TRPV2: variants seen among roughly 807,000 people sequenced by gnomAD.
TRPV2 encodes the protein transient receptor potential cation channel subfamily V member 2.
In TRPV2, 58 loss-of-function variants were observed where a neutral mutation model predicts 91.0. The observed-to-expected ratio is 0.64, with a 90% CI of 0.52 to 0.79. The LOEUF is 0.79. Among genes scored for constraint, TRPV2 ranks in the 30% least tolerant of loss-of-function variants. TRPV2 has a pLI of 0.00. For synonymous variants in TRPV2, 417 were observed against 414.8 expected, an observed-to-expected ratio of 1.01 and a Z score of -0.06; for missense variants, 807 against 969.6, an observed-to-expected ratio of 0.83 and a Z score of 2.23.
At position 16,432,180 on chromosome 17, in the gene TRPV2, G is replaced by A. The variant is rs1053157713; in HGVS notation, c.1869G>A (p.Leu623=). 1 of 1,614,164 alleles carries A rather than the reference G, an allele frequency of 6.2e-7. No homozygotes were observed. Among genetic ancestry groups the A allele is most frequent in the Non-Finnish European group, 8.5e-7 (1 of 1,179,978 alleles). ...AGCTGCACTTCCGCGGCATGGTGCT[G>A]CTGCTGCTGCTGGCCTACGTGCTGC... is the stretch of plus-strand genomic sequence containing the variant. ...QEQLHFRGMV[L]LLLLAYVLLT... Residue 623 remains leucine, a synonymous_variant, in exon 12 of 15, where the codon CTG becomes CTA. Transcript: ENST00000338560.
At chr17:16,421,567 G>C (rs2093357457) in intron 3 of TRPV2, among the ~76,000 whole-genome samples, 1 of 137,350 alleles carries the variant, frequency 7.3e-6, no homozygotes. Context: ...TGTCACCCAG[G>C]CTGGAGTGCA....
At chr17:16,429,063 G>A in intron 10 of TRPV2, 81 bp downstream of exon 10, 1 of 1,491,510 alleles carries the variant, frequency 6.7e-7, no homozygotes, top group Non-Finnish European at 9.1e-7. Flanking sequence ...ATCCTAGGCA[G>A]AGGAGGGCAT....
At chr17:16,430,057 TTTTCACCACGTTGGCCAGGC>T (rs2093402534) in intron 10 of TRPV2, among the ~76,000 whole-genome samples, 1 of 151,554 alleles carries the variant, frequency 6.6e-6, no homozygotes, top group Non-Finnish European at 1.5e-5. Context: ...TAGAGACAGG[TTTTCACCACGTTGGCCAGGC>T]TGGTCTCAAA....
At position 16,422,791 on chromosome 17, in the gene TRPV2, T is replaced by G. The variant is rs745306063; in HGVS notation, c.527T>G (p.Leu176Arg). The G allele has an allele frequency of 1.9e-6, 3 of 1,573,372 alleles. No homozygotes were observed. The East Asian group carries it at 7.0e-5, about 37-fold the overall frequency. The change falls in exon 4 of 15, where the codon CTG becomes CGG. Residue 176 changes from leucine (L) to arginine (R), a missense_variant. By Grantham distance (102) the Leu-to-Arg change is moderately radical. Coordinates refer to ENST00000338560, the MANE Select transcript of TRPV2 (RefSeq NM_016113.5). ...ALHIAIEKRS[L>R]QCVKLLVENG... ...CACATCGCCATTGAGAAGAGGAGTC[T>G]GCAGTGTGTGAAGCTCCTGGTGGAG...
chr17:16,424,647 C>T (rs1600971398), intron 5 of TRPV2, among the ~76,000 whole-genome samples: 2 of 152,154 alleles, frequency 1.3e-5, no homozygotes, highest in African/African-American at 4.8e-5. Flanking sequence ...AAGAGATAGC[C>T]TTTTTATATC....
intron 12 of TRPV2, 41 bp downstream of exon 12, chr17:16,432,341 C>G: frequency 6.4e-7 from 1 of 1,555,410 alleles, no homozygotes; most frequent in Non-Finnish European, 8.7e-7. Context: ...CCACCCCACA[C>G]TCAGGCGGTG....
chr17:16,435,984 A>G lies in TRPV2; in HGVS notation c.2195-805A>G, dbSNP rs1363698202. On this transcript the variant is annotated intron_variant, in intron 14 of 14. Transcript: ENST00000338560. The surrounding 1 kb of genome is among the most constrained non-coding windows in gnomAD (Gnocchi z 4.2). Reference sequence around the variant, plus strand: ...ACCCCACTGCCTGCTGGGGCCTCCAATGTGACATTCCCAACAGGAACAGCC... The same window carrying G: ...ACCCCACTGCCTGCTGGGGCCTCCAGTGTGACATTCCCAACAGGAACAGCC... Among the ~76,000 whole-genome samples, 3 of 152,102 alleles carry G rather than the reference A, an allele frequency of 2.0e-5. No homozygotes were observed. Among genetic ancestry groups the G allele is most frequent in the Non-Finnish European group, 4.4e-5 (3 of 68,006 alleles).
chr17:16,431,985 G>A lies in TRPV2; in HGVS notation c.1674G>A (p.Gln558=), dbSNP rs1321629429. 1 of 1,605,128 alleles carries A rather than the reference G, an allele frequency of 6.2e-7. No homozygotes were observed. Among genetic ancestry groups the A allele is most frequent in the South Asian group, 1.1e-5 (1 of 90,440 alleles). ...CCATAGCCCTGGTGAGCCTGAGCCAGGAGGCTTGGCGCCCCGAAGCTCCTA... is the reference window on the plus strand; with the variant it reads ...CCATAGCCCTGGTGAGCCTGAGCCAAGAGGCTTGGCGCCCCGAAGCTCCTA... ...GFAVALVSLS[Q]EAWRPEAPTG... The change falls in exon 12 of 15, where the codon CAG becomes CAA. Residue 558 remains glutamine, a synonymous_variant. Coordinates refer to ENST00000338560, the MANE Select transcript of TRPV2 (RefSeq NM_016113.5).
intron 13 of TRPV2, among the ~76,000 whole-genome samples, chr17:16,434,253 G>T (rs994791163): frequency 6.0e-4 from 91 of 152,236 alleles, no homozygotes; most frequent in Non-Finnish European, 9.3e-4. Context: ...CAAATCACGA[G>T]GTCAGGAGAT....
rs1438769987 is a variant in TRPV2, at chr17:16,436,960, G to A, written c.*71G>A. 8.1e-7 allele frequency: 1 copy of A among 1,232,490 alleles called. No homozygotes were observed. Among genetic ancestry groups the A allele is most frequent in the Non-Finnish European group, 1.2e-6 (1 of 842,186 alleles). The allele number at this position is 1,232,490 out of a possible 1,614,324, so 76.3% of individuals were successfully genotyped here. A position where few individuals can be genotyped will look rare whatever the true frequency, so the allele number is the denominator to read the frequency against. On this transcript the variant is annotated 3_prime_UTR_variant, in exon 15 of 15. Transcript: ENST00000338560. The stretch of plus-strand genomic sequence containing the variant: ...TCCAACCACATCTGCTGGCTCTGGG[G>A]TCCCAGTGAATTCTGGTGGCAAATA...
In TRPV2 at chr17:16,428,301, C is replaced by T. The variant is rs761617166; in HGVS notation, c.1351-16C>T. 1 of 1,613,982 alleles carries T rather than the reference C, an allele frequency of 6.2e-7. No homozygotes were observed. Among genetic ancestry groups the T allele is most frequent in the South Asian group, 1.1e-5 (1 of 91,084 alleles). On this transcript the variant is annotated splice_polypyrimidine_tract_variant and intron_variant, in intron 8 of 14. Transcript: ENST00000338560. ...AGAGCAGGTTTCACAGCCCTCTGTC[C>T]TCCCTTCCTCCGCAGCTGTGGTACT... is the stretch of plus-strand genomic sequence containing the variant.
chr17:16,427,442 T>C lies in TRPV2; in HGVS notation c.1252-7T>C. On this transcript the variant is annotated splice_region_variant and splice_polypyrimidine_tract_variant and intron_variant, in intron 7 of 14. Coordinates refer to ENST00000338560, the MANE Select transcript of TRPV2 (RefSeq NM_016113.5). Reference sequence around the variant, plus strand: ...AGGCCCTAGGTCTCATCTGAGTGTGTCTTCAGCAGGCCGCCCCTCACCTGA... The same window carrying C: ...AGGCCCTAGGTCTCATCTGAGTGTGCCTTCAGCAGGCCGCCCCTCACCTGA... 6.2e-7 allele frequency: 1 copy of C among 1,613,348 alleles called. No homozygotes were observed. The highest frequency in any genetic ancestry group is 8.5e-7 in the Non-Finnish European group (1 of 1,179,560).
In TRPV2 at chr17:16,428,848, C is replaced by G; in HGVS notation, c.1453C>G (p.Gln485Glu). The G allele has an allele frequency of 6.2e-7, 1 of 1,613,886 alleles. No homozygotes were observed. Among genetic ancestry groups the G allele is most frequent in the Non-Finnish European group, 8.5e-7 (1 of 1,180,012 alleles). Residue 485 changes from glutamine (Q) to glutamate (E), a missense_variant, in exon 10 of 15, where the codon CAG (glutamine) becomes GAG (glutamate). By Grantham distance (29) the Gln-to-Glu change is conservative (BLOSUM62 2). Coordinates refer to ENST00000338560, the MANE Select transcript of TRPV2 (RefSeq NM_016113.5). Reference protein sequence around the residue: ...LFQALLTVVSQVLCFLAIEWY... With the variant: ...LFQALLTVVSEVLCFLAIEWY... ...CCAGGCCCTGCTCACAGTGGTGTCC[C>G]AGGTGCTGTGTTTCCTGGCCATCGA...
chr17:16,419,494 C>T, intron 2 of TRPV2: 1 of 451,850 alleles, frequency 2.2e-6, no homozygotes, highest in South Asian at 1.6e-5. Context: ...GTTAAACAGC[C>T]CTGCTGAGAT....
Position 16,436,899 on chromosome 17 carries a change from T to A in TRPV2, c.*10T>A, listed in dbSNP as rs529500225. 4.7e-5 allele frequency: 76 copies of A among 1,609,314 alleles called. No homozygotes were observed. In the Middle Eastern group the frequency reaches 6.6e-4, roughly 14 times the overall value. On this transcript the variant is annotated 3_prime_UTR_variant, in exon 15 of 15. Transcript: ENST00000338560. ...CCTCCAGTCCAACTGATGGCCCAGATGCAGCAGGAGGCCAGAGGACAGAGC... is the reference window on the plus strand; with the variant it reads ...CCTCCAGTCCAACTGATGGCCCAGAAGCAGCAGGAGGCCAGAGGACAGAGC...
chr17:16,421,392 A>AT (rs907438658), intron 3 of TRPV2, among the ~76,000 whole-genome samples: 4 of 147,326 alleles, frequency 2.7e-5, no homozygotes, highest in East Asian at 2.0e-4. Context: ...AATTTTTTGT[A>AT]TTTTTTTAGT....
In TRPV2 at chr17:16,427,524, G is replaced by GCTA; in HGVS notation, c.1327_1328insCTA (p.Gly443delinsAlaArg). The GCTA allele has an allele frequency of 6.2e-7, 1 of 1,613,262 alleles. No individual in the cohort carries two copies. The highest frequency in any genetic ancestry group is 8.5e-7 in the Non-Finnish European group (1 of 1,179,438). On this transcript the variant is annotated protein_altering_variant, in exon 8 of 15. Coordinates refer to ENST00000338560, the MANE Select transcript of TRPV2 (RefSeq NM_016113.5). ...GGGCCACATCCTTATCCTGCTAGGG[G>GCTA]GGATCTACCTCCTCGTGGGCCAGGT...
chr17:16,435,107 T>A lies in TRPV2; in HGVS notation c.2194+138T>A. The A allele has an allele frequency of 1.7e-6, 1 of 591,624 alleles. No individual in the cohort carries two copies. The highest frequency in any genetic ancestry group is 2.8e-6 in the Non-Finnish European group (1 of 357,604). 36.6% of individuals were successfully genotyped at this position (591,624 alleles called of 1,614,324 possible). A position where few individuals can be genotyped will look rare whatever the true frequency, so the allele number is the denominator to read the frequency against. ...GCAGATCCCCACATGCCAGCTCCTCTTAGAGGGATTGCCTCCTTAAAACAG... is the reference window on the plus strand; with the variant it reads ...GCAGATCCCCACATGCCAGCTCCTCATAGAGGGATTGCCTCCTTAAAACAG... On this transcript the variant is annotated intron_variant, in intron 14 of 14. Transcript: ENST00000338560. The surrounding 1 kb of genome is among the most constrained non-coding windows in gnomAD (Gnocchi z 4.2).
At position 16,428,484 on chromosome 17, in the gene TRPV2, C is replaced by CA; in HGVS notation, c.1421+98dup. On this transcript the variant is annotated intron_variant, in intron 9 of 14. Coordinates refer to ENST00000338560, the MANE Select transcript of TRPV2 (RefSeq NM_016113.5). ...ACCAGGTTGGCTTTAGAGGCGAGGA[C>CA]ACGGGGCCCAGGAAGTCGGGATCTG... The CA allele has an allele frequency of 3.1e-6, 4 of 1,309,688 alleles. No homozygotes were observed. The South Asian group carries it at 3.6e-5, about 12-fold the overall frequency. 81.1% of individuals were successfully genotyped at this position (1,309,688 alleles called of 1,614,324 possible). A position where few individuals can be genotyped will look rare whatever the true frequency, so the allele number is the denominator to read the frequency against.
Sources: allele counts gnomAD v4.1 joint callset (sites outside exome capture counted in the v4.1 genomes callset), GRCh38; gene constraint gnomAD v4.1.1; non-coding constraint Gnocchi (gnomAD v3.1); transcripts MANE v1.5; gene names NCBI Gene and HGNC (gene_info 2026-07-23, HGNC 2026-07-21).